Variants in PEAR1 observed in about 807,000 individuals in gnomAD.
PEAR1 encodes platelet endothelial aggregation receptor 1, also known as multiple EGF-like domains protein 12.
PEAR1 carries 113 observed loss-of-function variants against 131.2 expected under a neutral mutation model. That is an observed-to-expected ratio of 0.86 (90% confidence interval 0.74 to 1.01). PEAR1 has a LOEUF of 1.01. Ranked by LOEUF, PEAR1 falls within the 50% of genes least tolerant of loss-of-function variation. The pLI is 0.00. For missense variants in PEAR1, 1,408 were observed against 1,391.1 expected (o/e 1.01, Z -0.19); for synonymous variants, 565 against 523.3 (o/e 1.08, Z -1.09).
intron 1 of PEAR1, among the ~76,000 whole-genome samples, chr1:156,897,594 C>T (rs1649284335): frequency 6.6e-6 from 1 of 152,236 alleles, no homozygotes; most frequent in Non-Finnish European, 1.5e-5. Flanking sequence ...AGCCTCAGGG[C>T]ATTCAGGGGG....
chr1:156,901,237 C>T (rs1649650344), intron 1 of PEAR1, among the ~76,000 whole-genome samples: 2 of 152,224 alleles, frequency 1.3e-5, no homozygotes, highest in South Asian at 4.1e-4. Flanking sequence ...AACCTACCCA[C>T]CCTTCCAGCC....
Position 156,902,801 on chromosome 1 carries a change from C to A in PEAR1, c.-9-1117C>A, listed in dbSNP as rs576154109. On this transcript the variant is annotated intron_variant, in intron 1 of 22. Transcript: ENST00000292357. This position sits in a 1 kb window ranked among gnomAD's most constrained non-coding sequence, Gnocchi z 4.3. ...AAGCCGGCTGCGGGGATGGGCACTG[C>A]GGTAACTCATCCTCTCCTGAGCTCA... 6.6e-6 allele frequency among the ~76,000 whole-genome samples: 1 copy of A among 152,110 alleles called. No homozygotes were observed. Among genetic ancestry groups the A allele is most frequent in the East Asian group, 1.9e-4 (1 of 5,180 alleles).
At chr1:156,895,165 G>T (rs1456289877) in intron 1 of PEAR1, among the ~76,000 whole-genome samples, 1 of 152,208 alleles carries the variant, frequency 6.6e-6, no homozygotes, top group Admixed American at 6.5e-5. Flanking sequence ...TCCACTGGAG[G>T]ATGAAGCTGA....
chr1:156,904,420 A>G (rs1388832374), intron 2 of PEAR1, among the ~76,000 whole-genome samples: 1 of 152,162 alleles, frequency 6.6e-6, no homozygotes, highest in Non-Finnish European at 1.5e-5. Flanking sequence ...ACTTCAGCCC[A>G]TCGCCGCCAG....
At chr1:156,913,606 C>T (rs375098963) in intron 20 of PEAR1, 83 bp downstream of exon 20, 21 of 1,597,136 alleles carry the variant, frequency 1.3e-5, no homozygotes, top group Admixed American at 5.1e-5. Flanking sequence ...TGTCTGGAGA[C>T]GGGGGCTCTG....
At position 156,908,912 on chromosome 1, in the gene PEAR1, T is replaced by A; in HGVS notation, c.1291-4T>A. On this transcript the variant is annotated splice_region_variant and splice_polypyrimidine_tract_variant and intron_variant, in intron 10 of 22. Coordinates refer to ENST00000292357, the MANE Select transcript of PEAR1 (RefSeq NM_001080471.3). The surrounding 1 kb of genome is among the most constrained non-coding windows in gnomAD (Gnocchi z 4.2). ...GCCCCTCTCACCCGCTCACCCTCTT[T>A]CAGGGCCCTCACTGTGCTAGTCTTT... 1 of 1,612,996 alleles carries A rather than the reference T, an allele frequency of 6.2e-7. No homozygotes were observed.
chr1:156,914,505 T>C (rs892368180), intron 22 of PEAR1, 142 bp from the exon 23 acceptor site: 9 of 802,288 alleles, frequency 1.1e-5, no homozygotes, highest in African/African-American at 1.8e-5. Flanking sequence ...CAGCTGATAG[T>C]AAACTGGTGT....
rs41273211 is a variant in PEAR1 at position 156,910,396 on chromosome 1, G to C, written c.1825+16G>C. On this transcript the variant is annotated intron_variant, in intron 14 of 22. Transcript: ENST00000292357. ...TGCCAGAGATGTGAGGCTCCCTACT[G>C]CCCCTTCCACCTGCCACCAGCAGGG... 4,626 of 1,574,094 alleles carry C rather than the reference G, an allele frequency of 2.9e-3. 13 individuals are homozygous for C. Among genetic ancestry groups the C allele is most frequent in the Middle Eastern group, 9.2e-3 (51 of 5,568 alleles).
In PEAR1 at chr1:156,908,470, A is replaced by G. The variant is rs1417616270; in HGVS notation, c.1115+130A>G. On this transcript the variant is annotated intron_variant, in intron 9 of 22. Coordinates refer to ENST00000292357, the MANE Select transcript of PEAR1 (RefSeq NM_001080471.3). This position sits in a 1 kb window ranked among gnomAD's most constrained non-coding sequence, Gnocchi z 4.2. ...ACAGAAGGGGAAAGGGAGGGACCTC[A>G]GGGGCCGGGAGGGGCCTGGGGTACC... 1.6e-6 allele frequency: 2 copies of G among 1,231,700 alleles called. No homozygotes were observed. Among genetic ancestry groups the G allele is most frequent in the Middle Eastern group, 2.7e-4 (1 of 3,748 alleles). The allele number at this position is 1,231,700 out of a possible 1,614,324, so 76.3% of individuals were successfully genotyped here. A position where few individuals can be genotyped will look rare whatever the true frequency, so the allele number is the denominator to read the frequency against.
chr1:156,907,739 G>A lies in PEAR1; in HGVS notation c.765+9G>A, dbSNP rs367840871. 9 of 1,603,568 alleles carry A rather than the reference G, an allele frequency of 5.6e-6. No individual in the cohort carries two copies. In the African/African-American group the frequency reaches 6.7e-5, roughly 12 times the overall value. On this transcript the variant is annotated intron_variant, in intron 7 of 22. Transcript: ENST00000292357. ...GCCCCCCTGGCTGGATGGTATGGAG[G>A]GTGGGGCCTGTGGGCATGGGGTGTG...
intron 1 of PEAR1, among the ~76,000 whole-genome samples, chr1:156,897,301 C>G (rs1391858834): frequency 6.6e-6 from 1 of 152,146 alleles, no homozygotes; most frequent in African/African-American, 2.4e-5. Context: ...GAGGAAACAC[C>G]CAGGGGGCAC....
chr1:156,913,696 C>T lies in PEAR1; in HGVS notation c.2649C>T (p.Ser883=). Residue 883 remains serine, a synonymous_variant, in exon 21 of 23, where the codon AGC becomes AGT. Transcript: ENST00000292357. The part of the protein sequence containing the change: ...EPPPGPLDRG[S]SRLDRSYSYS... ...CAGTTGCCTCCTCCTCCTCAGGGAG[C>T]AGCCGCCTGGACCGAAGCTACAGCT... 1 of 1,613,788 alleles carries T rather than the reference C, an allele frequency of 6.2e-7. No homozygotes were observed. The highest frequency in any genetic ancestry group is 8.5e-7 in the Non-Finnish European group (1 of 1,179,924).
chr1:156,908,908 T>C lies in PEAR1; in HGVS notation c.1291-8T>C. On this transcript the variant is annotated splice_region_variant and splice_polypyrimidine_tract_variant and intron_variant, in intron 10 of 22. Transcript: ENST00000292357. This position sits in a 1 kb window ranked among gnomAD's most constrained non-coding sequence, Gnocchi z 4.2. ...GGCCGCCCCTCTCACCCGCTCACCCTCTTTCAGGGCCCTCACTGTGCTAGT... is the reference window on the plus strand; with the variant it reads ...GGCCGCCCCTCTCACCCGCTCACCCCCTTTCAGGGCCCTCACTGTGCTAGT... 6.2e-7 allele frequency: 1 copy of C among 1,612,824 alleles called. No individual in the cohort carries two copies. The highest frequency in any genetic ancestry group is 1.1e-5 in the South Asian group (1 of 91,088).
At position 156,914,921 on chromosome 1, in the gene PEAR1, C is replaced by T. The variant is rs913773877; in HGVS notation, c.*123C>T. On this transcript the variant is annotated 3_prime_UTR_variant, in exon 23 of 23. Transcript: ENST00000292357. ...ACCGGCAGGCTGTGAACATGAACAACGCTTAACAGAGCAAGTGATGGGAGC... is the reference window on the plus strand; with the variant it reads ...ACCGGCAGGCTGTGAACATGAACAATGCTTAACAGAGCAAGTGATGGGAGC... 16 of 1,081,812 alleles carry T rather than the reference C, an allele frequency of 1.5e-5. No individual in the cohort carries two copies. Among genetic ancestry groups the T allele is most frequent in the East Asian group, 8.3e-5 (3 of 35,992 alleles). 67.0% of individuals were successfully genotyped at this position (1,081,812 alleles called of 1,614,324 possible). A position where few individuals can be genotyped will look rare whatever the true frequency, so the allele number is the denominator to read the frequency against.
At chr1:156,895,810 G>A (rs1261785401) in intron 1 of PEAR1, among the ~76,000 whole-genome samples, 1 of 152,254 alleles carries the variant, frequency 6.6e-6, no homozygotes. Flanking sequence ...ACCAGGCGAG[G>A]TGGCTCACGC....
At chr1:156,911,073 C>T (rs1312661645) in intron 15 of PEAR1, among the ~76,000 whole-genome samples, 2 of 112,924 alleles carry the variant, frequency 1.8e-5, no homozygotes, top group African/African-American at 1.1e-4. Flanking sequence ...TTCTTTCTTT[C>T]TTTCTTTCTT....
At chr1:156,906,996 C>G in intron 6 of PEAR1, 116 bp downstream of exon 6, 1 of 1,425,240 alleles carries the variant, frequency 7.0e-7, no homozygotes, top group Non-Finnish European at 9.3e-7. Context: ...GATGTGGAGG[C>G]CAAGATCCTG....
At position 156,910,697 on chromosome 1, in the gene PEAR1, G is replaced by A. The variant is rs752746492; in HGVS notation, c.1905G>A (p.Gly635=). 1 of 1,613,988 alleles carries A rather than the reference G, an allele frequency of 6.2e-7. No individual in the cohort carries two copies. The highest frequency in any genetic ancestry group is 1.1e-5 in the South Asian group (1 of 91,076). ...ACTCCTTCTGCCACCCCTCGAACGG[G>A]ACCTGCTACTGCCTGGCTGGCTGGA... ...ANHSFCHPSN[G]TCYCLAGWTG... The change falls in exon 15 of 23, where the codon GGG becomes GGA. Residue 635 remains glycine (G), a synonymous_variant. Coordinates refer to ENST00000292357, the MANE Select transcript of PEAR1 (RefSeq NM_001080471.3).
At chr1:156,898,966 G>C (rs1185432838) in intron 1 of PEAR1, among the ~76,000 whole-genome samples, 1 of 152,184 alleles carries the variant, frequency 6.6e-6, no homozygotes, top group Non-Finnish European at 1.5e-5. Flanking sequence ...CAAGACAAAA[G>C]TCCAAAAGGA....
Sources: gnomAD v4.1 joint callset for allele counts (sites outside exome capture counted in the v4.1 genomes callset) on GRCh38, gnomAD v4.1.1 for gene constraint, Gnocchi (gnomAD v3.1) non-coding constraint, MANE v1.5 for transcripts, NCBI Gene and HGNC (gene_info 2026-07-23, HGNC 2026-07-21) for gene names.